Variants in MDN1 observed in about 807,000 individuals in gnomAD.
MDN1 encodes midasin.
Under a neutral mutation model 669.2 loss-of-function variants are expected in MDN1, and 266 were observed. That is an observed-to-expected ratio of 0.40 (90% CI 0.36 to 0.44). The LOEUF is 0.44. Among genes scored for constraint, MDN1 ranks in the 20% least tolerant of loss-of-function variants. The pLI is 1.00. For missense variants in MDN1, 5,940 were observed against 6,754.0 expected (o/e 0.88, Z 4.22); for synonymous variants, 2,385 against 2,457.1 (o/e 0.97, Z 0.87).
Position 89,730,918 on chromosome 6 carries a change from T to C in MDN1, c.4948A>G (p.Thr1650Ala). The C allele has an allele frequency of 6.2e-7, 1 of 1,613,692 alleles. No homozygotes were observed. The highest frequency in any genetic ancestry group is 8.5e-7 in the Non-Finnish European group (1 of 1,179,814). Residue 1650 changes from threonine to alanine, a missense_variant, in exon 35 of 102, where the codon ACT becomes GCT. Coordinates refer to ENST00000369393, the MANE Select transcript of MDN1 (RefSeq NM_014611.3). ...VYIDGIGSGV[T>A]SSGFGTALLA... The stretch of plus-strand genomic sequence containing the variant: ...AGGGCTGTACCAAACCCAGAGGAAG[T>C]TACCCCTAAAAGACAGAGGATCAGT...
intron 46 of MDN1, among the ~76,000 whole-genome samples, chr6:89,713,683 C>T (rs911318048): frequency 6.6e-6 from 1 of 152,148 alleles, no homozygotes; most frequent in African/African-American, 2.4e-5. Flanking sequence ...TTATTATTAA[C>T]TGATAAATTA....
At chr6:89,754,311 G>T in intron 20 of MDN1, 81 bp from the exon 21 acceptor site, 1 of 1,425,026 alleles carries the variant, frequency 7.0e-7, no homozygotes, top group Non-Finnish European at 9.5e-7. Flanking sequence ...AAACCCAAAG[G>T]ACATTTTTTA....
In MDN1 at chr6:89,695,713, C is replaced by T; in HGVS notation, c.9663G>A (p.Gly3221=). Residue 3221 remains glycine (G), a synonymous_variant, in exon 61 of 102, where the codon GGG becomes GGA. Transcript: ENST00000369393. The surrounding 1 kb of genome is among the most constrained non-coding windows in gnomAD (Gnocchi z 4.1). The part of the protein sequence containing the change: ...KRSLPEPAQR[G]SLWVSLGLLQ... The stretch of plus-strand genomic sequence containing the variant: ...GCAAGCCGAGGCTCACCCAGAGGCT[C>T]CCACGCTGGGCTGGCTCAGGCAGGC... The T allele has an allele frequency of 6.2e-7, 1 of 1,613,778 alleles. No individual in the cohort carries two copies. Among genetic ancestry groups the T allele is most frequent in the Non-Finnish European group, 8.5e-7 (1 of 1,180,020 alleles).
At chr6:89,682,716 A>AAAAAAAAAAAAAAAAAAAAC (rs1811716809) in intron 73 of MDN1, among the ~76,000 whole-genome samples, 1 of 145,620 alleles carries the variant, frequency 6.9e-6, no homozygotes, top group Non-Finnish European at 1.5e-5. Context: ...AAAAAAAAAA[A>AAAAAAAAAAAAAAAAAAAAC]AAAAAAAAAA....
At chr6:89,730,215 T>A (rs954575912) in intron 35 of MDN1, among the ~76,000 whole-genome samples, 1 of 152,164 alleles carries the variant, frequency 6.6e-6, no homozygotes, top group Non-Finnish European at 1.5e-5. Flanking sequence ...CATTTCCCAT[T>A]TAATCATTCA....
chr6:89,684,287 G>A (rs1811851201), intron 71 of MDN1, among the ~76,000 whole-genome samples: 1 of 151,854 alleles, frequency 6.6e-6, no homozygotes, highest in Admixed American at 6.6e-5. Context: ...AGGCTGCAGT[G>A]AGCTGAGATC....
intron 15 of MDN1, among the ~76,000 whole-genome samples, chr6:89,769,670 A>C (rs1383707678): frequency 6.6e-6 from 1 of 152,214 alleles, no homozygotes; most frequent in Admixed American, 6.5e-5. Context: ...ACAAGGAAAA[A>C]CAGATATATT....
At chr6:89,740,406 A>G (rs1406702104) in intron 31 of MDN1, 28 bp from the exon 32 acceptor site, 6 of 1,557,424 alleles carry the variant, frequency 3.9e-6, no homozygotes, top group Non-Finnish European at 5.2e-6. Context: ...GAACAGTGAA[A>G]AGGGCTTATA....
Position 89,749,763 on chromosome 6 carries a change from C to A in MDN1, c.3407-12G>T. The A allele has an allele frequency of 6.4e-7, 1 of 1,574,416 alleles. No homozygotes were observed. Among genetic ancestry groups the A allele is most frequent in the Non-Finnish European group, 8.7e-7 (1 of 1,144,196 alleles). On this transcript the variant is annotated splice_polypyrimidine_tract_variant and intron_variant, in intron 24 of 101. Coordinates refer to ENST00000369393, the MANE Select transcript of MDN1 (RefSeq NM_014611.3). ...ATCAATAAGAACACCTAGGAAGAAA[C>A]AAACAGCAAGAACTAGTGTATAAAT...
At chr6:89,809,358 T>C (rs372053780) in intron 1 of MDN1, among the ~76,000 whole-genome samples, 10 of 151,320 alleles carry the variant, frequency 6.6e-5, no homozygotes, top group African/African-American at 2.4e-4. Flanking sequence ...AGACTGAACA[T>C]AGTGGTTCAC....
chr6:89,796,341 A>AAC (rs1554199820), intron 2 of MDN1, among the ~76,000 whole-genome samples: 2,374 of 110,226 alleles, frequency 0.022, 105 homozygotes, highest in East Asian at 0.068. Context: ...AAAAAAAAAA[A>AAC]AAAAAAAAAC....
intron 12 of MDN1, among the ~76,000 whole-genome samples, chr6:89,775,102 T>C (rs1818289572): frequency 6.6e-6 from 1 of 152,160 alleles, no homozygotes; most frequent in Admixed American, 6.6e-5. Context: ...TCTAACATAA[T>C]GTTAGGAAAT....
At chr6:89,677,989 T>C (rs1440329923) in intron 75 of MDN1, among the ~76,000 whole-genome samples, 1 of 152,184 alleles carries the variant, frequency 6.6e-6, no homozygotes. Flanking sequence ...AAAATACAGA[T>C]TCTGCCAGGC....
chr6:89,751,658 G>A, intron 22 of MDN1, 76 bp from the exon 23 acceptor site: 1 of 1,458,204 alleles, frequency 6.9e-7, no homozygotes, highest in East Asian at 2.3e-5. Flanking sequence ...TAGGAAAACA[G>A]CCACTTGTTG....
intron 29 of MDN1, 120 bp downstream of exon 29, chr6:89,745,151 AAG>A (rs1554190735): frequency 1.1e-5 from 12 of 1,050,350 alleles, no homozygotes; most frequent in South Asian, 4.9e-5. Flanking sequence ...AAAAAAAAAA[AAG>A]AAAAAAGAGG....
chr6:89,752,604 T>C (rs532829447), intron 22 of MDN1, among the ~76,000 whole-genome samples: 7 of 152,172 alleles, frequency 4.6e-5, no homozygotes, highest in Non-Finnish European at 8.8e-5. Flanking sequence ...AAAACGGCTA[T>C]TGTTTCTAAC....
chr6:89,814,384 C>CTTTT (rs35652654), intron 1 of MDN1, among the ~76,000 whole-genome samples: 1 of 137,908 alleles, frequency 7.3e-6, no homozygotes, highest in Non-Finnish European at 1.6e-5. Context: ...AATCCCCCTC[C>CTTTT]TTTTTTTTTT....
intron 5 of MDN1, among the ~76,000 whole-genome samples, chr6:89,791,848 A>G (rs1252080237): frequency 6.7e-6 from 1 of 148,944 alleles, no homozygotes; most frequent in Non-Finnish European, 1.5e-5. Flanking sequence ...AAATGTTAAC[A>G]TGGTAAATGT....
chr6:89,778,288 A>C (rs1022089496), intron 11 of MDN1, among the ~76,000 whole-genome samples: 1 of 151,862 alleles, frequency 6.6e-6, no homozygotes, highest in Non-Finnish European at 1.5e-5. Context: ...AGTTTCTTCC[A>C]TCATCTTTTC....
Sources: allele counts gnomAD v4.1 joint callset (sites outside exome capture counted in the v4.1 genomes callset), GRCh38; gene constraint gnomAD v4.1.1; non-coding constraint Gnocchi (gnomAD v3.1); transcripts MANE v1.5; gene names NCBI Gene and HGNC (gene_info 2026-07-23, HGNC 2026-07-21).